The following SPMIP7 variants were observed in gnomAD, a reference collection of about 807,000 sequenced individuals.
SPMIP7 encodes protein SPMIP7.
chr7:50,105,113 T>C, the SPMIP7 span, among the ~76,000 whole-genome samples: 1 of 152,220 alleles, frequency 6.6e-6, no homozygotes, highest in Non-Finnish European at 1.5e-5. Flanking sequence ...TCTTCCTGTG[T>C]AGATTTTATA....
the SPMIP7 span, among the ~76,000 whole-genome samples, chr7:50,106,785 A>G: frequency 2.0e-5 from 3 of 152,222 alleles, no homozygotes; most frequent in East Asian, 1.9e-4. Context: ...TAAAAAAATT[A>G]TAAATTACCA....
the SPMIP7 span, among the ~76,000 whole-genome samples, chr7:50,110,671 A>G: frequency 7.4e-6 from 1 of 135,066 alleles, no homozygotes; most frequent in Non-Finnish European, 1.5e-5. Context: ...TACATCACAT[A>G]TATCATATAA....
chr7:50,097,407 T>C, the SPMIP7 span, among the ~76,000 whole-genome samples: 4 of 152,162 alleles, frequency 2.6e-5, no homozygotes, highest in African/African-American at 7.2e-5. Flanking sequence ...AAAGCTAACA[T>C]AGGGCTAAAA....
chr7:50,121,435 G>A, the SPMIP7 span: 2 of 152,162 alleles, frequency 1.3e-5, no homozygotes, highest in Non-Finnish European at 2.9e-5. Flanking sequence ...CCAATCACAG[G>A]CTGCAAACCA....
chr7:50,141,367 C>G, the SPMIP7 span: 1 of 1,550,424 alleles, frequency 6.4e-7, no homozygotes, highest in Non-Finnish European at 8.7e-7. Flanking sequence ...TACTCTAAGC[C>G]TCTTTATACA....
the SPMIP7 span, among the ~76,000 whole-genome samples, chr7:50,112,195 C>T: frequency 6.6e-6 from 1 of 151,944 alleles, no homozygotes; most frequent in Non-Finnish European, 1.5e-5. Flanking sequence ...AGAGAATGAA[C>T]ATGAGATAAA....
At chr7:50,121,679 C>T in the SPMIP7 span, among the ~76,000 whole-genome samples, 4 of 151,422 alleles carry the variant, frequency 2.6e-5, no homozygotes, top group South Asian at 2.1e-4. Flanking sequence ...TTTGAGATGG[C>T]GTCTCACTGT....
the SPMIP7 span, among the ~76,000 whole-genome samples, chr7:50,101,577 G>A: frequency 6.6e-6 from 1 of 152,122 alleles, no homozygotes; most frequent in Non-Finnish European, 1.5e-5. Context: ...CTCAAACTTA[G>A]TCTTAAATTT....
At chr7:50,151,603 G>A in the SPMIP7 span, 1 of 1,283,556 alleles carries the variant, frequency 7.8e-7, no homozygotes, top group Non-Finnish European at 1.1e-6. Context: ...ACATTAGGAG[G>A]GGAAATCCTA....
At chr7:50,151,507 A>T in the SPMIP7 span, 1 of 1,551,706 alleles carries the variant, frequency 6.4e-7, no homozygotes, top group South Asian at 1.2e-5. Flanking sequence ...CCCACCCAGC[A>T]AATTCTAATA....
At chr7:50,106,049 G>A in the SPMIP7 span, among the ~76,000 whole-genome samples, 2 of 152,190 alleles carry the variant, frequency 1.3e-5, no homozygotes, top group Non-Finnish European at 2.9e-5. Flanking sequence ...TCTAAAATAA[G>A]TTTAGACTTT....
At chr7:50,155,359 G>T in the SPMIP7 span, among the ~76,000 whole-genome samples, 1 of 152,306 alleles carries the variant, frequency 6.6e-6, no homozygotes, top group South Asian at 2.1e-4. Context: ...TTTACTTCAT[G>T]TGAGGGACAT....
the SPMIP7 span, chr7:50,096,166 A>G: frequency 1.3e-6 from 2 of 1,551,248 alleles, no homozygotes; most frequent in East Asian, 4.9e-5. Flanking sequence ...TTGAGAATAT[A>G]GATTACCCAC....
the SPMIP7 span, among the ~76,000 whole-genome samples, chr7:50,152,507 C>T: frequency 4.6e-5 from 7 of 152,092 alleles, no homozygotes; most frequent in Non-Finnish European, 1.0e-4. Context: ...TTTGAAAATG[C>T]AAACACAGTC....
At chr7:50,159,221 G>T in the SPMIP7 span, 40 of 1,535,064 alleles carry the variant, frequency 2.6e-5, no homozygotes, top group Non-Finnish European at 3.2e-5. Context: ...GAAGGCTTGT[G>T]CGGCGGTGGG....
chr7:50,119,820 A>C, the SPMIP7 span, among the ~76,000 whole-genome samples: 1 of 152,204 alleles, frequency 6.6e-6, no homozygotes, highest in African/African-American at 2.4e-5. Flanking sequence ...GGTACAAGTA[A>C]TTGCTTGTAT....
the SPMIP7 span, among the ~76,000 whole-genome samples, chr7:50,127,210 A>T: frequency 6.6e-6 from 1 of 152,246 alleles, no homozygotes; most frequent in South Asian, 2.1e-4. Context: ...CCACCAGCAC[A>T]AGAATGAAAC....
chr7:50,150,775 T>C, the SPMIP7 span, among the ~76,000 whole-genome samples: 1 of 152,370 alleles, frequency 6.6e-6, no homozygotes, highest in African/African-American at 2.4e-5. Flanking sequence ...AGAGCTTTTA[T>C]ACACACTGAA....
the SPMIP7 span, among the ~76,000 whole-genome samples, chr7:50,145,392 T>A: frequency 1.8e-3 from 277 of 151,476 alleles, no homozygotes; most frequent in Non-Finnish European, 3.5e-3. Flanking sequence ...GTAACCATTT[T>A]ACAGTCCCAT....
Sources: gnomAD v4.1 joint callset for allele counts (sites outside exome capture counted in the v4.1 genomes callset) on GRCh38, gnomAD v4.1.1 for gene constraint, MANE v1.5 for transcripts, NCBI Gene and HGNC (gene_info 2026-07-23, HGNC 2026-07-21) for gene names.